Variants in MAMLD1 observed in about 807,000 individuals in gnomAD.
MAMLD1 encodes the protein mastermind-like domain-containing protein 1.
In MAMLD1, 14 loss-of-function variants were observed where a neutral mutation model predicts 45.0. The observed-to-expected ratio is 0.31, with a 90% CI of 0.21 to 0.49. The LOEUF (loss-of-function observed/expected upper bound fraction) is 0.49, where lower values mean the gene tolerates loss of function less well. MAMLD1 is among the 20% of genes least tolerant of loss of function. The pLI is 0.99. For missense variants in MAMLD1, 543 were observed against 603.6 expected (o/e 0.90, Z 1.05); for synonymous variants, 254 against 247.8 (o/e 1.02, Z -0.24).
At chrX:150,466,235 G>A (rs782422185) in intron 3 of MAMLD1, among the ~76,000 whole-genome samples, 3 of 112,976 alleles carry the variant, frequency 2.7e-5, no homozygotes, top group Admixed American at 9.3e-5. Context: ...GAAGGCAGAC[G>A]CTATTACAGC....
At position 150,488,236 on chromosome X, in the gene MAMLD1, T is replaced by G. The variant is rs782356265; in HGVS notation, c.2040+14434T>G. 1.9e-3 allele frequency among the ~76,000 whole-genome samples: 216 copies of G among 112,505 alleles called. 1 individual carries two copies. Among genetic ancestry groups the G allele is most frequent in the Middle Eastern group, 4.6e-3 (1 of 219 alleles). On this transcript the variant is annotated intron_variant, in intron 5 of 7. Coordinates refer to ENST00000370401, the MANE Select transcript of MAMLD1 (RefSeq NM_005491.5). ...CCTCTTCCCCCATGCCCATTTGGGT[T>G]GTTGATTGACACTTAGGTGAAGACA...
Position 150,395,462 on chromosome X carries a change from A to G in MAMLD1, c.-64+31932A>G, listed in dbSNP as rs782055506. ...TGGCCTCATTAAATTGAGTTATAAC[A>G]TATTCTCTCTGCTTCTATTCTCTGC... On this transcript the variant is annotated intron_variant, in intron 1 of 7. Coordinates refer to ENST00000370401, the MANE Select transcript of MAMLD1 (RefSeq NM_005491.5). Among the ~76,000 whole-genome samples, 4 of 111,538 alleles carry G rather than the reference A, an allele frequency of 3.6e-5. No homozygotes were observed. The South Asian group carries it at 1.1e-3, about 31-fold the overall frequency.
intron 5 of MAMLD1, among the ~76,000 whole-genome samples, chrX:150,501,313 AGTGTGG>A (rs2148354821): frequency 8.9e-6 from 1 of 112,575 alleles, no homozygotes; most frequent in East Asian, 2.8e-4. Context: ...TCAAAACTCC[AGTGTGG>A]CTATAAAATG....
chrX:150,497,680 G>T (rs1557408357), intron 5 of MAMLD1, among the ~76,000 whole-genome samples: 1 of 111,265 alleles, frequency 9.0e-6, no homozygotes, highest in Admixed American at 9.6e-5. Flanking sequence ...CTCATTTCAA[G>T]GTACAGTTAT....
At chrX:150,468,976 A>AGTGTGTGTGT (rs1236391053) in intron 3 of MAMLD1, among the ~76,000 whole-genome samples, 1 of 31,393 alleles carries the variant, frequency 3.2e-5, no homozygotes, top group Non-Finnish European at 6.3e-5. Context: ...GCAATGTGTG[A>AGTGTGTGTGT]GAGTGTGTGT....
chrX:150,512,724 G>A lies in MAMLD1; in HGVS notation c.*765G>A, dbSNP rs1168635105. The stretch of plus-strand genomic sequence containing the variant: ...TTTAGTCCCCTGAGCCCCATACAGG[G>A]CATCGAGCCACCAAGCTATGTGGCT... On this transcript the variant is annotated 3_prime_UTR_variant, in exon 8 of 8. Coordinates refer to ENST00000370401, the MANE Select transcript of MAMLD1 (RefSeq NM_005491.5). The A allele has an allele frequency of 1.7e-6, 2 of 1,153,020 alleles. No homozygotes were observed. The highest frequency in any genetic ancestry group is 2.3e-6 in the Non-Finnish European group (2 of 871,763).
At chrX:150,477,461 G>A (rs1251160757) in intron 5 of MAMLD1, among the ~76,000 whole-genome samples, 4 of 111,857 alleles carry the variant, frequency 3.6e-5, no homozygotes, top group Non-Finnish European at 7.5e-5. Flanking sequence ...GCAGGGGAGA[G>A]CTCAGTCCCT....
At position 150,370,977 on chromosome X, in the gene MAMLD1, T is replaced by C. The variant is rs370752144; in HGVS notation, c.-64+7447T>C. On this transcript the variant is annotated intron_variant, in intron 1 of 7. Coordinates refer to ENST00000370401, the MANE Select transcript of MAMLD1 (RefSeq NM_005491.5). ...TTTAGGAGAGCTTTCCTTGCCCAGA[T>C]TGGCTATCTTGAGCCTCCCTGAGGC... Among the ~76,000 whole-genome samples the C allele has an allele frequency of 6.6e-4, 74 of 111,574 alleles. 1 individual carries two copies. The South Asian group carries it at 0.026, about 39-fold the overall frequency.
At chrX:150,461,246 G>A (rs1341022116) in intron 2 of MAMLD1, among the ~76,000 whole-genome samples, 1 of 112,979 alleles carries the variant, frequency 8.9e-6, no homozygotes, top group Non-Finnish European at 1.9e-5. Flanking sequence ...TGCATGGGCT[G>A]TAGGTGGAGG....
At chrX:150,493,972 T>C (rs1483799199) in intron 5 of MAMLD1, among the ~76,000 whole-genome samples, 1 of 112,117 alleles carries the variant, frequency 8.9e-6, no homozygotes, top group African/African-American at 3.2e-5. Context: ...TTCAGTCATT[T>C]TTTTTTCTAT....
chrX:150,435,249 CT>C (rs1557404235), intron 1 of MAMLD1, among the ~76,000 whole-genome samples: 3 of 111,501 alleles, frequency 2.7e-5, no homozygotes, highest in African/African-American at 9.8e-5. Flanking sequence ...GGCACGGTGG[CT>C]CACATCTGTA....
At chrX:150,393,917 G>A (rs1557402218) in intron 1 of MAMLD1, among the ~76,000 whole-genome samples, 2 of 110,886 alleles carry the variant, frequency 1.8e-5, no homozygotes. Flanking sequence ...CAGAGCTGAA[G>A]TTTTCCATTT....
In MAMLD1 at chrX:150,462,771, G is replaced by T; in HGVS notation, c.97-1G>T. 3 of 1,207,590 alleles carry T rather than the reference G, an allele frequency of 2.5e-6. No individual in the cohort carries two copies. Among genetic ancestry groups the T allele is most frequent in the Non-Finnish European group, 3.4e-6 (3 of 891,647 alleles). ...TCTCCTCAGCCTACTCTCACCCCCA[G>T]GGAAAGAAGCCCTCGTGGATGGAGG... On this transcript the variant is annotated splice_acceptor_variant, in intron 2 of 7. Coordinates refer to ENST00000370401, the MANE Select transcript of MAMLD1 (RefSeq NM_005491.5). LOFTEE classifies it high-confidence loss of function.
At chrX:150,507,794 T>C (rs1465893525) in intron 6 of MAMLD1, among the ~76,000 whole-genome samples, 2 of 112,443 alleles carry the variant, frequency 1.8e-5, no homozygotes, top group East Asian at 5.6e-4. Flanking sequence ...TGGGCTTGGC[T>C]TTCTCTTTCC....
intron 7 of MAMLD1, among the ~76,000 whole-genome samples, chrX:150,510,324 C>T (rs57434045): frequency 8.9e-6 from 1 of 112,054 alleles, no homozygotes; most frequent in African/African-American, 3.2e-5. Flanking sequence ...AGGGAAACAA[C>T]CCTAGGATCT....
At chrX:150,500,041 A>G (rs1438557171) in intron 5 of MAMLD1, among the ~76,000 whole-genome samples, 1 of 112,344 alleles carries the variant, frequency 8.9e-6, no homozygotes, top group African/African-American at 3.2e-5. Context: ...TGAATTTTGC[A>G]AGTATTTGCT....
At chrX:150,476,036 T>C (rs1415505467) in intron 5 of MAMLD1, among the ~76,000 whole-genome samples, 1 of 112,194 alleles carries the variant, frequency 8.9e-6, no homozygotes, top group Non-Finnish European at 1.9e-5. Flanking sequence ...AGTCAACTTT[T>C]GCCCCCACAT....
chrX:150,500,973 G>A (rs1054682184), intron 5 of MAMLD1, among the ~76,000 whole-genome samples: 1 of 111,856 alleles, frequency 8.9e-6, no homozygotes, highest in Non-Finnish European at 1.9e-5. Context: ...ACTTGATTGA[G>A]TGGCTCCAGG....
intron 1 of MAMLD1, among the ~76,000 whole-genome samples, chrX:150,398,252 GAGAAGAAGAAGA>G (rs1221742768): frequency 0.013 from 515 of 40,693 alleles, 10 homozygotes; most frequent in Middle Eastern, 0.079. Context: ...GGAGGAGAAG[GAGAAGAAGAAGA>G]AGAAGAAGAA....
Sources: gnomAD v4.1 joint callset for allele counts (sites outside exome capture counted in the v4.1 genomes callset) on GRCh38, gnomAD v4.1.1 for gene constraint, MANE v1.5 for transcripts, NCBI Gene and HGNC (gene_info 2026-07-23, HGNC 2026-07-21) for gene names.